Variants in FBH1 observed in about 807,000 individuals in gnomAD.
The protein encoded by FBH1 is F-box DNA helicase 1, also known as DNA 3'-5' helicase 1.
Under a neutral mutation model 115.5 loss-of-function variants are expected in FBH1, and 43 were observed. The observed-to-expected ratio is 0.37, with a 90% CI of 0.29 to 0.48. The LOEUF (loss-of-function observed/expected upper bound fraction) is 0.48. Among genes scored for constraint, FBH1 ranks in the 20% least tolerant of loss-of-function variants. The pLI, the probability that FBH1 is intolerant of heterozygous loss-of-function variation, is 0.99. For missense variants in FBH1, 1,001 were observed against 1,337.3 expected (o/e 0.75, Z 3.92); for synonymous variants, 524 against 507.8 (o/e 1.03, Z -0.43).
chr10:5,892,301 G>T (rs1211575679), intron 1 of FBH1, among the ~76,000 whole-genome samples: 2 of 152,166 alleles, frequency 1.3e-5, no homozygotes, highest in Non-Finnish European at 2.9e-5. Context: ...ATGCTGTTGA[G>T]CATGCCCATT....
At chr10:5,894,286 A>G in intron 1 of FBH1, 4 of 1,451,058 alleles carry the variant, frequency 2.8e-6, no homozygotes, top group South Asian at 1.5e-5. Flanking sequence ...TTTTCCTTAT[A>G]GTTATGTTTT....
intron 9 of FBH1, chr10:5,916,024 G>T (rs1831910888): frequency 1.7e-6 from 1 of 574,970 alleles, no homozygotes; most frequent in African/African-American, 1.9e-5. Context: ...CCGAAAGCTG[G>T]TTCCTATTCT....
chr10:5,890,173 G>A, upstream of FBH1: 1 of 330,038 alleles, frequency 3.0e-6, no homozygotes. Context: ...CGGCTCCGGC[G>A]GCGGGCGCTT....
At chr10:5,891,242 G>C (rs1347532856) in intron 1 of FBH1, 1 of 912,340 alleles carries the variant, frequency 1.1e-6, no homozygotes. Context: ...AGATAAGTCC[G>C]TTTTACTCAT....
At chr10:5,903,810 A>T (rs193020083) in intron 2 of FBH1, among the ~76,000 whole-genome samples, 1 of 152,146 alleles carries the variant, frequency 6.6e-6, no homozygotes, top group Admixed American at 6.5e-5. Flanking sequence ...TCTCTGTCCA[A>T]TCTGTCACTA....
rs1323226381 is a variant in FBH1 at position 5,918,489 on chromosome 10, A to G, written c.2100+11A>G. On this transcript the variant is annotated intron_variant, in intron 13 of 20. Coordinates refer to ENST00000362091, the MANE Select transcript of FBH1 (RefSeq NM_178150.3). The surrounding 1 kb of genome is among the most constrained non-coding windows in gnomAD (Gnocchi z 4.0). ...TTCTATCTCACGCAGGTAAGTGCGC[A>G]CTCTGCATGGGAGGCATTGCATCTC... 6 of 1,578,016 alleles carry G rather than the reference A, an allele frequency of 3.8e-6. No homozygotes were observed. The highest frequency in any genetic ancestry group is 5.1e-6 in the Non-Finnish European group (6 of 1,165,856).
Position 5,915,641 on chromosome 10 carries a change from A to T in FBH1, c.1565+70A>T, listed in dbSNP as rs1175459667. The T allele has an allele frequency of 2.8e-6, 4 of 1,447,472 alleles. No homozygotes were observed. In the South Asian group the frequency reaches 5.0e-5, roughly 18 times the overall value. The allele number at this position is 1,447,472 out of a possible 1,614,324, so 89.7% of individuals were successfully genotyped here. ...CGCGTCTTACTGTTTTCCCGTGACG[A>T]TCACATGTGAGCTTACACCACAGTG... On this transcript the variant is annotated intron_variant, in intron 9 of 20. Transcript: ENST00000362091. This position sits in a 1 kb window ranked among gnomAD's most constrained non-coding sequence, Gnocchi z 5.2.
Position 5,917,449 on chromosome 10 carries a change from G to C in FBH1, c.1818G>C (p.Trp606Cys). 1.9e-6 allele frequency: 3 copies of C among 1,614,184 alleles called. No homozygotes were observed. The highest frequency in any genetic ancestry group is 2.5e-6 in the Non-Finnish European group (3 of 1,180,026). The stretch of plus-strand genomic sequence containing the variant: ...GTGTCCTTGAAGCGAGCCGCCTCTG[G>C]GATAACATGCGGAAGCTGGGGGAGT... ...LNGVLEASRL[W>C]DNMRKLGECT... The change falls in exon 11 of 21, where the codon TGG (tryptophan) becomes TGC (cysteine). Residue 606 changes from tryptophan (W) to cysteine (C), a missense_variant. Transcript: ENST00000362091. The surrounding 1 kb of genome is among the most constrained non-coding windows in gnomAD (Gnocchi z 5.6).
chr10:5,907,366 A>G (rs1316075758), intron 3 of FBH1, among the ~76,000 whole-genome samples: 1 of 150,050 alleles, frequency 6.7e-6, no homozygotes, highest in Non-Finnish European at 1.5e-5. Flanking sequence ...AAGTTTTGGT[A>G]TGTTATGTTT....
Position 5,912,983 on chromosome 10 carries a change from G to A in FBH1, c.1212-764G>A, listed in dbSNP as rs74637866. Among the ~76,000 whole-genome samples the A allele has an allele frequency of 3.1e-3, 479 of 152,298 alleles. 3 individuals are homozygous for A. The highest frequency in any genetic ancestry group is 0.011 in the African/African-American group (451 of 41,572). On this transcript the variant is annotated intron_variant, in intron 6 of 20. Coordinates refer to ENST00000362091, the MANE Select transcript of FBH1 (RefSeq NM_178150.3). ...GTTGCATTGGAGAGGTCGAGGCTTG[G>A]AGATGGGCTCTTTTCGCTCTGGGGA...
Position 5,918,405 on chromosome 10 carries a change from A to G in FBH1, c.2027A>G (p.Gln676Arg). ...ATCTTTGTAGGGGACCCGCACCAGC[A>G]GATCTATACCTTCCGGGGTGCGGTC... The part of the protein sequence containing the change: ...GKIFVGDPHQ[Q>R]IYTFRGAVNA... Residue 676 changes from glutamine (Q) to arginine (R), a missense_variant, in exon 13 of 21, where the codon CAG becomes CGG. Gln to Arg is a conservative substitution (Grantham distance 43). Around this residue, in one of 4 missense-constraint regions of FBH1, gnomAD observed 521 missense variants for 811.0 expected, o/e 0.64. Coordinates refer to ENST00000362091, the MANE Select transcript of FBH1 (RefSeq NM_178150.3). The surrounding 1 kb of genome is among the most constrained non-coding windows in gnomAD (Gnocchi z 4.0). 1 of 1,613,472 alleles carries G rather than the reference A, an allele frequency of 6.2e-7. No individual in the cohort carries two copies. The highest frequency in any genetic ancestry group is 8.5e-7 in the Non-Finnish European group (1 of 1,179,822).
intron 3 of FBH1, among the ~76,000 whole-genome samples, chr10:5,908,412 A>G (rs1302977513): frequency 2.0e-5 from 3 of 152,226 alleles, no homozygotes; most frequent in African/African-American, 7.2e-5. Context: ...CTGAAGCTAT[A>G]GTTTTTCCCA....
intron 3 of FBH1, among the ~76,000 whole-genome samples, chr10:5,908,470 A>T (rs1182563541): frequency 1.3e-5 from 2 of 152,230 alleles, no homozygotes; most frequent in Non-Finnish European, 2.9e-5. Flanking sequence ...ACCAAGACCC[A>T]GTTCTCCTAG....
intron 1 of FBH1, among the ~76,000 whole-genome samples, chr10:5,890,746 C>T (rs1842664554): frequency 6.6e-6 from 1 of 152,168 alleles, no homozygotes. Context: ...TCGCTGCCCT[C>T]TGCCCCTGTG....
intron 1 of FBH1, chr10:5,891,207 A>C: frequency 1.0e-6 from 1 of 984,930 alleles, no homozygotes; most frequent in Non-Finnish European, 1.2e-6. Context: ...AGATAAATGA[A>C]AAGACTTCTG....
intron 2 of FBH1, 96 bp downstream of exon 2, chr10:5,903,271 G>A (rs1449941136): frequency 3.0e-5 from 31 of 1,017,502 alleles, no homozygotes; most frequent in Non-Finnish European, 3.8e-5. Context: ...TGTTGCTGCT[G>A]TGAGTTTGTA....
chr10:5,905,815 G>A (rs112181569), intron 2 of FBH1, among the ~76,000 whole-genome samples: 42 of 152,274 alleles, frequency 2.8e-4, no homozygotes, highest in African/African-American at 9.6e-4. Context: ...TGTGAAGACT[G>A]GTCTCTGTCT....
At position 5,921,502 on chromosome 10, in the gene FBH1, C is replaced by G. The variant is rs1426909934; in HGVS notation, c.2255C>G (p.Ala752Gly). The change falls in exon 15 of 21, where the codon GCC becomes GGC. Residue 752 changes from alanine to glycine, a missense_variant. Physicochemically the swap from Ala to Gly is moderately conservative, Grantham distance 60. Transcript: ENST00000362091. The surrounding 1 kb of genome is among the most constrained non-coding windows in gnomAD (Gnocchi z 6.4). ...GTGGCCTTGTTGTCCCGGACCAACG[C>G]CAACGTGTTTGATGAGGCCGTACGG... ...GQVALLSRTNANVFDEAVRVT... is the reference protein window; with the variant it reads ...GQVALLSRTNGNVFDEAVRVT... The G allele has an allele frequency of 6.2e-7, 1 of 1,601,002 alleles. No homozygotes were observed. The highest frequency in any genetic ancestry group is 8.5e-7 in the Non-Finnish European group (1 of 1,176,868).
Position 5,909,968 on chromosome 10 carries a change from A to G in FBH1, c.1020+674A>G, listed in dbSNP as rs1485229471. Among the ~76,000 whole-genome samples the G allele has an allele frequency of 6.6e-6, 1 of 152,152 alleles. No homozygotes were observed. The highest frequency in any genetic ancestry group is 1.5e-5 in the Non-Finnish European group (1 of 68,032). ...CCTTTCTTGGAATGCATTCTTTAAC[A>G]CAGAGACGTGTAGTAACTTAAGAAT... On this transcript the variant is annotated intron_variant, in intron 5 of 20. Coordinates refer to ENST00000362091, the MANE Select transcript of FBH1 (RefSeq NM_178150.3). This position sits in a 1 kb window ranked among gnomAD's most constrained non-coding sequence, Gnocchi z 4.4.
Sources: gnomAD v4.1 joint callset for allele counts (sites outside exome capture counted in the v4.1 genomes callset) on GRCh38, gnomAD v4.1.1 for gene constraint, gnomAD v4.1.1 regional missense constraint, Gnocchi (gnomAD v3.1) non-coding constraint, MANE v1.5 for transcripts, NCBI Gene and HGNC (gene_info 2026-07-23, HGNC 2026-07-21) for gene names.